Variants in CNOT11 observed in about 807,000 individuals in gnomAD.
CNOT11 encodes the protein UPF0760 protein C2orf29.
A neutral mutation model predicts 44.6 loss-of-function variants in CNOT11; 18 were observed. That is an observed-to-expected ratio of 0.40 (90% confidence interval 0.28 to 0.60). The LOEUF (loss-of-function observed/expected upper bound fraction) is 0.60, where lower values mean the gene tolerates loss of function less well. Among genes scored for constraint, CNOT11 ranks in the 20% least tolerant of loss-of-function variants. CNOT11 has a pLI of 0.38. For synonymous variants in CNOT11, 291 were observed against 270.9 expected (o/e 1.07, Z -0.73); for missense variants, 513 against 677.0 (o/e 0.76, Z 2.69).
rs1404961641 is a variant in CNOT11 at position 101,255,465 on chromosome 2, G to A, written c.514+1987G>A. On this transcript the variant is annotated intron_variant, in intron 1 of 6. Coordinates refer to ENST00000289382, the MANE Select transcript of CNOT11 (RefSeq NM_017546.5). Reference sequence around the variant, plus strand: ...AGCCAAGATTGTGCCACTGCAATCCGGCCTGGGCTAAAGAGCGGGACTCCG... The same window carrying A: ...AGCCAAGATTGTGCCACTGCAATCCAGCCTGGGCTAAAGAGCGGGACTCCG... 3.3e-5 allele frequency among the ~76,000 whole-genome samples: 5 copies of A among 151,616 alleles called. No individual in the cohort carries two copies. The East Asian group carries it at 9.8e-4, about 30-fold the overall frequency.
intron 3 of CNOT11, among the ~76,000 whole-genome samples, chr2:101,262,920 T>C (rs1235556339): frequency 6.6e-6 from 1 of 152,174 alleles, no homozygotes; most frequent in Non-Finnish European, 1.5e-5. Flanking sequence ...ATGTCTATCC[T>C]ATGCATACCT....
chr2:101,256,814 C>G (rs187933574), intron 1 of CNOT11, among the ~76,000 whole-genome samples: 30 of 150,552 alleles, frequency 2.0e-4, no homozygotes, highest in Non-Finnish European at 3.7e-4. Context: ...TTTGGGAGGC[C>G]GAGGTGGGTG....
At chr2:101,266,643 C>CCA in intron 4 of CNOT11, 34 bp from the exon 5 acceptor site, 1 of 1,492,084 alleles carries the variant, frequency 6.7e-7, no homozygotes. Context: ...TTTCTCTCTC[C>CCA]CTCTCTCTCT....
intron 1 of CNOT11, among the ~76,000 whole-genome samples, chr2:101,256,338 TATAAC>T (rs1425957899): frequency 2.0e-5 from 3 of 152,038 alleles, no homozygotes; most frequent in Admixed American, 6.5e-5. Context: ...ACTCTAGAGA[TATAAC>T]TAAATGGTAA....
chr2:101,256,707 T>G (rs1401528170), intron 1 of CNOT11, among the ~76,000 whole-genome samples: 1 of 152,234 alleles, frequency 6.6e-6, no homozygotes. Context: ...CTGTTTTTGT[T>G]TGCATATATA....
intron 4 of CNOT11, 94 bp downstream of exon 4, chr2:101,265,141 C>A: frequency 1.2e-6 from 1 of 856,164 alleles, no homozygotes; most frequent in Non-Finnish European, 1.7e-6. Flanking sequence ...CACTCGGCTG[C>A]CCAGGGTGGA....
intron 2 of CNOT11, 89 bp from the exon 3 acceptor site, chr2:101,262,450 C>G: frequency 8.3e-7 from 1 of 1,198,772 alleles, no homozygotes; most frequent in Non-Finnish European, 1.2e-6. Context: ...CTTTGTTTTT[C>G]TCTGTTACAG....
At chr2:101,255,323 G>A (rs907613142) in intron 1 of CNOT11, among the ~76,000 whole-genome samples, 5 of 151,654 alleles carry the variant, frequency 3.3e-5, no homozygotes, top group African/African-American at 7.3e-5. Context: ...GTGAAACCCC[G>A]TCTCTACTAA....
Position 101,269,327 on chromosome 2 carries a change from A to T in CNOT11, c.1447A>T (p.Arg483Trp). 1 of 1,614,076 alleles carries T rather than the reference A, an allele frequency of 6.2e-7. No homozygotes were observed. The highest frequency in any genetic ancestry group is 8.5e-7 in the Non-Finnish European group (1 of 1,179,992). ...EVQAFCIEFS[R>W]IREAAGLFRL... The stretch of plus-strand genomic sequence containing the variant: ...GCAGGCATTCTGTATTGAATTCAGT[A>T]GGATACGAGAAGCTGCTGGTCTTTT... The change falls in exon 7 of 7, where the codon AGG becomes TGG. Residue 483 changes from arginine (R) to tryptophan (W), a missense_variant. By Grantham distance (101) the Arg-to-Trp change is moderately radical. Transcript: ENST00000289382. This position sits in a 1 kb window ranked among gnomAD's most constrained non-coding sequence, Gnocchi z 4.8.
chr2:101,267,225 C>A (rs952593149), intron 5 of CNOT11, among the ~76,000 whole-genome samples: 2 of 152,140 alleles, frequency 1.3e-5, no homozygotes, highest in Non-Finnish European at 2.9e-5. Flanking sequence ...TGGGTTCAAG[C>A]AATTCTCCTG....
chr2:101,256,953 G>T (rs969656089), intron 1 of CNOT11, among the ~76,000 whole-genome samples: 3 of 152,096 alleles, frequency 2.0e-5, no homozygotes, highest in Non-Finnish European at 4.4e-5. Flanking sequence ...GGAGCCAGAG[G>T]CAGGAGAATG....
At chr2:101,254,638 T>C (rs894882085) in intron 1 of CNOT11, among the ~76,000 whole-genome samples, 1 of 152,068 alleles carries the variant, frequency 6.6e-6, no homozygotes, top group East Asian at 1.9e-4. Flanking sequence ...CCCAGCACTT[T>C]TGGAGGCCGA....
At position 101,263,571 on chromosome 2, in the gene CNOT11, C is replaced by T. The variant is rs191388155; in HGVS notation, c.832+880C>T. ...CATCTGTTTTATAGGCTTCTGTGTG[C>T]TTTGAATTATGAAGGCAAGCTTTCT... On this transcript the variant is annotated intron_variant, in intron 3 of 6. Transcript: ENST00000289382. 4.4e-3 allele frequency among the ~76,000 whole-genome samples: 672 copies of T among 152,278 alleles called. 3 individuals are homozygous for T. Among genetic ancestry groups the T allele is most frequent in the African/African-American group, 0.015 (603 of 41,556 alleles).
chr2:101,257,821 A>C lies in CNOT11; in HGVS notation c.545A>C (p.Lys182Thr), dbSNP rs756294299. The C allele has an allele frequency of 6.2e-7, 1 of 1,613,666 alleles. No individual in the cohort carries two copies. Among genetic ancestry groups the C allele is most frequent in the East Asian group, 2.2e-5 (1 of 44,840 alleles). The change falls in exon 2 of 7, where the codon AAG becomes ACG. Residue 182 changes from lysine to threonine, a missense_variant. Lys to Thr is a moderately conservative substitution (Grantham distance 78, BLOSUM62 -1). Coordinates refer to ENST00000289382, the MANE Select transcript of CNOT11 (RefSeq NM_017546.5). The stretch of plus-strand genomic sequence containing the variant: ...TTACCTCCTATAACTCCACCAGAAA[A>C]GTTTTTTCTTTCCCAGCTGATGCTG... ...GFLPPITPPEKFFLSQLMLAP... is the reference protein window; with the variant it reads ...GFLPPITPPETFFLSQLMLAP...
At chr2:101,266,374 C>T (rs937223421) in intron 4 of CNOT11, among the ~76,000 whole-genome samples, 5 of 152,040 alleles carry the variant, frequency 3.3e-5, no homozygotes, top group Non-Finnish European at 5.9e-5. Flanking sequence ...TTGTTACAAC[C>T]AGACAGTATT....
chr2:101,267,639 A>G (rs1180582220), intron 5 of CNOT11, among the ~76,000 whole-genome samples: 2 of 152,168 alleles, frequency 1.3e-5, no homozygotes, highest in Non-Finnish European at 2.9e-5. Context: ...CTGTCAGGAA[A>G]ACAGAACATC....
intron 1 of CNOT11, among the ~76,000 whole-genome samples, chr2:101,256,624 CTTCTA>C (rs997930729): frequency 2.2e-4 from 34 of 152,318 alleles, no homozygotes; most frequent in Admixed American, 1.2e-3. Flanking sequence ...GCTGGTTGCT[CTTCTA>C]TTTATTCAAC....
Position 101,269,502 on chromosome 2 carries a change from G to T in CNOT11, c.*89G>T. ...GTTAAAACCCTGAGTGGATTGCTTG[G>T]TTTAATGCATATAAACAGTACTTTA... On this transcript the variant is annotated 3_prime_UTR_variant, in exon 7 of 7. Transcript: ENST00000289382. The surrounding 1 kb of genome is among the most constrained non-coding windows in gnomAD (Gnocchi z 4.8). 1 of 1,150,748 alleles carries T rather than the reference G, an allele frequency of 8.7e-7. No homozygotes were observed. Among genetic ancestry groups the T allele is most frequent in the Non-Finnish European group, 1.3e-6 (1 of 790,884 alleles). The allele number at this position is 1,150,748 out of a possible 1,614,324, so 71.3% of individuals were successfully genotyped here. A position where few individuals can be genotyped will look rare whatever the true frequency, so the allele number is the denominator to read the frequency against.
At position 101,261,201 on chromosome 2, in the gene CNOT11, C is replaced by T. The variant is rs1460865456; in HGVS notation, c.680-1338C>T. Among the ~76,000 whole-genome samples, 7 of 152,180 alleles carry T rather than the reference C, an allele frequency of 4.6e-5. No homozygotes were observed. The South Asian group carries it at 1.4e-3, about 32-fold the overall frequency. ...AGGGCCTACAGGCTCCCTGTTTCTC[C>T]CAGTGGCTGCCTCATCACTAACCTG... On this transcript the variant is annotated intron_variant, in intron 2 of 6. Coordinates refer to ENST00000289382, the MANE Select transcript of CNOT11 (RefSeq NM_017546.5).
Sources: gnomAD v4.1 joint callset for allele counts (sites outside exome capture counted in the v4.1 genomes callset) on GRCh38, gnomAD v4.1.1 for gene constraint, Gnocchi (gnomAD v3.1) non-coding constraint, MANE v1.5 for transcripts, NCBI Gene and HGNC (gene_info 2026-07-23, HGNC 2026-07-21) for gene names.